The following KIAA1549L variants were observed in gnomAD, a reference collection of about 807,000 sequenced individuals.
The protein encoded by KIAA1549L is KIAA1549 like.
A neutral mutation model predicts 160.7 loss-of-function variants in KIAA1549L; 88 were observed. That is an observed-to-expected ratio of 0.55 (90% CI 0.46 to 0.65). The LOEUF (loss-of-function observed/expected upper bound fraction) is 0.65, where lower values mean the gene tolerates loss of function less well. Among genes scored for constraint, KIAA1549L ranks in the 30% least tolerant of loss-of-function variants. The probability of loss-of-function intolerance (pLI) is 0.00; values close to 1 mark genes in which losing one functional copy is unlikely to be tolerated. For missense variants in KIAA1549L, 2,258 were observed against 2,437.5 expected, an observed-to-expected ratio of 0.93 and a Z score of 1.55; for synonymous variants, 950 against 976.7, an observed-to-expected ratio of 0.97 and a Z score of 0.51.
In KIAA1549L at chr11:33,645,704, G is replaced by A. The variant is rs1318621265; in HGVS notation, c.5428G>A (p.Glu1810Lys). ...CCCACAGACTGAGCCTGAAATCATA[G>A]AGGAAACCAACATTGACAGAGTTCC... Reference protein sequence around the residue: ...SGYDTEPEIIEETNIDRVPEP... With the variant: ...SGYDTEPEIIKETNIDRVPEP... The change falls in exon 17 of 21, where the codon GAG becomes AAG. Residue 1810 changes from glutamate (E) to lysine (K), a missense_variant. Glu to Lys is a moderately conservative substitution (Grantham distance 56). Around this residue, in one of 6 missense-constraint regions of KIAA1549L, gnomAD observed 1,359 missense variants for 1,546.6 expected, o/e 0.88. Transcript: ENST00000658780. 1.2e-6 allele frequency: 2 copies of A among 1,613,590 alleles called. No individual in the cohort carries two copies. The highest frequency in any genetic ancestry group is 1.7e-6 in the Non-Finnish European group (2 of 1,179,540).
chr11:33,530,436 A>AAAATACATAT (rs1853735474), intron 1 of KIAA1549L, among the ~76,000 whole-genome samples: 1 of 11,892 alleles, frequency 8.4e-5, no homozygotes, highest in Non-Finnish European at 1.4e-4. Flanking sequence ...AAAAAAAAAA[A>AAAATACATAT]ATATATATAT....
intron 1 of KIAA1549L, among the ~76,000 whole-genome samples, chr11:33,504,292 C>T (rs190146577): frequency 1.6e-4 from 25 of 152,070 alleles, no homozygotes; most frequent in African/African-American, 5.3e-4. Flanking sequence ...TGTAGTTTTT[C>T]TTCTGATGTA....
intron 1 of KIAA1549L, among the ~76,000 whole-genome samples, chr11:33,530,068 T>C (rs1033143951): frequency 6.6e-5 from 10 of 151,968 alleles, no homozygotes; most frequent in Non-Finnish European, 1.3e-4. Flanking sequence ...TGACTCCCCT[T>C]TGGGCCATTA....
At chr11:33,581,327 T>C (rs758777072) in intron 10 of KIAA1549L, among the ~76,000 whole-genome samples, 1 of 152,176 alleles carries the variant, frequency 6.6e-6, no homozygotes, top group East Asian at 1.9e-4. Context: ...TTTCAACATT[T>C]GCTGTACGTG....
chr11:33,411,519 C>T (rs1850785260), intron 1 of KIAA1549L, among the ~76,000 whole-genome samples: 1 of 152,156 alleles, frequency 6.6e-6, no homozygotes, highest in Admixed American at 6.5e-5. Flanking sequence ...CTAAAATGAC[C>T]TTGCTTGGCA....
chr11:33,561,543 G>T, intron 7 of KIAA1549L, 133 bp from the exon 8 acceptor site: 1 of 708,164 alleles, frequency 1.4e-6, no homozygotes, highest in Non-Finnish European at 2.5e-6. Flanking sequence ...TAGGTGCAAG[G>T]ACCACTTGAG....
chr11:33,508,179 CCT>C (rs1853138589), intron 1 of KIAA1549L, among the ~76,000 whole-genome samples: 1 of 152,330 alleles, frequency 6.6e-6, no homozygotes, highest in African/African-American at 2.4e-5. Context: ...CCACATAAAA[CCT>C]CTGCTGCAAG....
intron 1 of KIAA1549L, among the ~76,000 whole-genome samples, chr11:33,478,281 T>G (rs1157118982): frequency 1.3e-5 from 2 of 152,004 alleles, no homozygotes; most frequent in Non-Finnish European, 2.9e-5. Context: ...CAGAGGCAAG[T>G]TTTGTTCTAG....
Position 33,619,514 on chromosome 11 carries a change from A to G in KIAA1549L, c.5409+852A>G, listed in dbSNP as rs147821152. 1.1e-3 allele frequency among the ~76,000 whole-genome samples: 163 copies of G among 152,360 alleles called. 1 individual carries two copies. The highest frequency in any genetic ancestry group is 3.5e-3 in the African/African-American group (146 of 41,594). ...TGACACTTGGTTTTTAAAATATACC[A>G]TGCTAATTGGAAAGCAACAATATTT... On this transcript the variant is annotated intron_variant, in intron 16 of 20. Transcript: ENST00000658780.
At chr11:33,639,109 C>G (rs1851518869) in intron 16 of KIAA1549L, among the ~76,000 whole-genome samples, 1 of 152,124 alleles carries the variant, frequency 6.6e-6, no homozygotes, top group African/African-American at 2.4e-5. Context: ...CTTAAAGCTA[C>G]AGAATGTGCC....
intron 1 of KIAA1549L, among the ~76,000 whole-genome samples, chr11:33,380,663 A>G (rs1395205372): frequency 2.4e-4 from 36 of 152,214 alleles, no homozygotes; most frequent in Non-Finnish European, 5.3e-4. Context: ...GTGTGAGTCT[A>G]AGTCTCTTTG....
chr11:33,400,847 G>A (rs538848104), intron 1 of KIAA1549L, among the ~76,000 whole-genome samples: 1 of 152,292 alleles, frequency 6.6e-6, no homozygotes, highest in East Asian at 1.9e-4. Flanking sequence ...GACCTCTTAT[G>A]AGGTAAGAAC....
intron 20 of KIAA1549L, 76 bp downstream of exon 20, chr11:33,661,090 G>C: frequency 7.1e-7 from 1 of 1,402,414 alleles, no homozygotes; most frequent in African/African-American, 1.4e-5. Context: ...ATAAAAGGTT[G>C]AGACTGAAGG....
chr11:33,574,185 T>G (rs1181439081), intron 9 of KIAA1549L, among the ~76,000 whole-genome samples: 1 of 148,518 alleles, frequency 6.7e-6, no homozygotes, highest in Non-Finnish European at 1.5e-5. Flanking sequence ...TTTCCTATAG[T>G]GAATATGTAT....
In KIAA1549L at chr11:33,435,832, G is replaced by GTATATATATA. The variant is rs1270906295; in HGVS notation, c.238+58948_238+58949insATATATATAT. ...TATATGTGTGTGTATATATATATAT[G>GTATATATATA]TATATGTATATGTGTGTGTGTGTGT... On this transcript the variant is annotated intron_variant, in intron 1 of 20. Transcript: ENST00000658780. Among the ~76,000 whole-genome samples the GTATATATATA allele has an allele frequency of 1.1e-3, 37 of 33,578 alleles. 3 individuals carry two copies. The highest frequency in any genetic ancestry group is 3.4e-3 in the East Asian group (5 of 1,460). 22.0% of individuals were successfully genotyped at this position (33,578 alleles called of 152,430 possible).
chr11:33,651,300 G>A (rs1362288228), intron 17 of KIAA1549L, among the ~76,000 whole-genome samples: 1 of 152,122 alleles, frequency 6.6e-6, no homozygotes, highest in African/African-American at 2.4e-5. Flanking sequence ...AGCCAGGCAT[G>A]GTGGTGGATG....
chr11:33,539,105 G>T (rs1487987711), intron 1 of KIAA1549L, among the ~76,000 whole-genome samples: 1 of 152,016 alleles, frequency 6.6e-6, no homozygotes, highest in Non-Finnish European at 1.5e-5. Flanking sequence ...GGCATCATTT[G>T]GTAATTCAGT....
At chr11:33,506,851 A>T (rs1352820961) in intron 1 of KIAA1549L, among the ~76,000 whole-genome samples, 3 of 152,228 alleles carry the variant, frequency 2.0e-5, no homozygotes, top group East Asian at 3.8e-4. Flanking sequence ...AATCTGTATT[A>T]AAAAACAGAT....
chr11:33,659,804 G>C (rs1307946155), intron 19 of KIAA1549L, among the ~76,000 whole-genome samples: 2 of 152,198 alleles, frequency 1.3e-5, no homozygotes, highest in East Asian at 3.9e-4. Context: ...GATGGGGATG[G>C]GGGAGTTGGA....
Sources: gnomAD v4.1 joint callset for allele counts (sites outside exome capture counted in the v4.1 genomes callset) on GRCh38, gnomAD v4.1.1 for gene constraint, gnomAD v4.1.1 regional missense constraint, MANE v1.5 for transcripts, NCBI Gene and HGNC (gene_info 2026-07-23, HGNC 2026-07-21) for gene names.